The following RABGAP1L variants were observed in gnomAD, a reference collection of about 807,000 sequenced individuals.
RABGAP1L encodes RAB GTPase activating protein 1 like.
In RABGAP1L, 63 loss-of-function variants were observed where a neutral mutation model predicts 137.7. The observed-to-expected ratio is 0.46, with a 90% CI of 0.37 to 0.56. RABGAP1L has a LOEUF of 0.56. Ranked by LOEUF, RABGAP1L falls within the 20% of genes least tolerant of loss-of-function variation. The probability of loss-of-function intolerance (pLI) is 0.00; values close to 1 mark genes in which losing one functional copy is unlikely to be tolerated. For synonymous variants in RABGAP1L, 431 were observed against 433.7 expected (o/e 0.99, Z 0.08); for missense variants, 1,095 against 1,244.0 (o/e 0.88, Z 1.80).
chr1:174,871,869 T>C (rs1652259909), intron 19 of RABGAP1L, among the ~76,000 whole-genome samples: 2 of 152,234 alleles, frequency 1.3e-5, no homozygotes, highest in African/African-American at 4.8e-5. Context: ...ACTCTTCATT[T>C]TGAGTGATAA....
chr1:174,221,500 G>A (rs574508458), intron 3 of RABGAP1L, among the ~76,000 whole-genome samples: 1 of 152,208 alleles, frequency 6.6e-6, no homozygotes, highest in Non-Finnish European at 1.5e-5. Context: ...GTGCCTTTTT[G>A]CTCAGTTTCA....
intron 18 of RABGAP1L, among the ~76,000 whole-genome samples, chr1:174,757,377 C>G (rs888540700): frequency 3.3e-5 from 5 of 152,028 alleles, no homozygotes; most frequent in Non-Finnish European, 7.4e-5. Context: ...ATTGCTAGGT[C>G]AAACTGTAAC....
intron 14 of RABGAP1L, among the ~76,000 whole-genome samples, chr1:174,643,945 GTA>G (rs1200415348): frequency 1.2e-4 from 18 of 150,556 alleles, no homozygotes; most frequent in South Asian, 2.1e-4. Context: ...GTGTGTGTAT[GTA>G]TGTATGTATG....
chr1:174,946,502 T>A (rs1248565032), intron 19 of RABGAP1L, among the ~76,000 whole-genome samples: 1 of 152,094 alleles, frequency 6.6e-6, no homozygotes, highest in South Asian at 2.1e-4. Context: ...GGTCTGTCAT[T>A]ATTATAGGGC....
At chr1:174,634,904 G>C (rs1345321539) in intron 13 of RABGAP1L, among the ~76,000 whole-genome samples, 1 of 113,992 alleles carries the variant, frequency 8.8e-6, no homozygotes, top group African/African-American at 3.2e-5. Context: ...GAGGGGGGAG[G>C]GATAGCATTG....
chr1:174,203,730 G>A (rs1033961095), intron 1 of RABGAP1L, among the ~76,000 whole-genome samples: 6 of 152,058 alleles, frequency 3.9e-5, no homozygotes, highest in Non-Finnish European at 7.4e-5. Context: ...CATGAGCATG[G>A]GATGTTTTTC....
intron 14 of RABGAP1L, 52 bp downstream of exon 14, chr1:174,637,540 A>G (rs760685707): frequency 2.2e-6 from 3 of 1,346,322 alleles, no homozygotes; most frequent in African/African-American, 1.5e-5. Context: ...GCTATATTTT[A>G]GAAACCCATT....
chr1:174,931,503 G>A (rs759411968), intron 19 of RABGAP1L, among the ~76,000 whole-genome samples: 1 of 152,000 alleles, frequency 6.6e-6, no homozygotes, highest in African/African-American at 2.4e-5. Context: ...AGACTTGCAT[G>A]TTTTTTTAAA....
chr1:174,566,579 C>A (rs906080189), intron 13 of RABGAP1L, among the ~76,000 whole-genome samples: 2 of 152,118 alleles, frequency 1.3e-5, no homozygotes, highest in African/African-American at 4.8e-5. Flanking sequence ...TCTCTTTATG[C>A]CTTATATTCT....
At chr1:174,758,848 A>G (rs1684985568) in intron 18 of RABGAP1L, among the ~76,000 whole-genome samples, 1 of 152,152 alleles carries the variant, frequency 6.6e-6, no homozygotes, top group African/African-American at 2.4e-5. Flanking sequence ...CTTTTCATCT[A>G]GTAACCTCCA....
At chr1:174,620,345 C>T (rs919487201) in intron 13 of RABGAP1L, among the ~76,000 whole-genome samples, 6 of 152,224 alleles carry the variant, frequency 3.9e-5, no homozygotes, top group African/African-American at 1.2e-4. Context: ...TTTTCAGCAC[C>T]ACACCACACC....
At chr1:174,713,700 C>T (rs1270966694) in intron 17 of RABGAP1L, among the ~76,000 whole-genome samples, 1 of 152,194 alleles carries the variant, frequency 6.6e-6, no homozygotes, top group Non-Finnish European at 1.5e-5. Flanking sequence ...GAACTGTAAG[C>T]CAAAATAAAA....
intron 11 of RABGAP1L, among the ~76,000 whole-genome samples, chr1:174,336,246 T>A (rs1423416349): frequency 6.6e-6 from 1 of 152,160 alleles, no homozygotes; most frequent in Admixed American, 6.6e-5. Flanking sequence ...TGCTTCAGCC[T>A]CCTGAGTAGT....
At chr1:174,173,310 A>C (rs1571363727) in intron 1 of RABGAP1L, among the ~76,000 whole-genome samples, 1 of 151,628 alleles carries the variant, frequency 6.6e-6, no homozygotes, top group East Asian at 1.9e-4. Flanking sequence ...TTGTATTTTT[A>C]GTAGAGATGG....
rs75026472 is a variant in RABGAP1L, at chr1:174,948,532, A to G, written c.2341-8925A>G. ...CTCAAAAAAAAAAAAAAAAAAAAAA[A>G]GGAGTGTAACTGGATTCTTTGTAAC... On this transcript the variant is annotated intron_variant, in intron 19 of 25. Coordinates refer to ENST00000681986, the MANE Select transcript of RABGAP1L (RefSeq NM_001366446.1). Among the ~76,000 whole-genome samples, 6 of 146,088 alleles carry G rather than the reference A, an allele frequency of 4.1e-5. No homozygotes were observed. In the East Asian group the frequency reaches 1.3e-3, roughly 32 times the overall value.
intron 19 of RABGAP1L, chr1:174,849,614 A>C: frequency 2.7e-6 from 1 of 364,048 alleles, no homozygotes; most frequent in Non-Finnish European, 5.3e-6. Flanking sequence ...TAATATGTGA[A>C]AAATGAGAAA....
At chr1:174,666,110 A>G (rs1676766980) in intron 14 of RABGAP1L, among the ~76,000 whole-genome samples, 1 of 152,196 alleles carries the variant, frequency 6.6e-6, no homozygotes, top group Non-Finnish European at 1.5e-5. Context: ...TGTGTCTCCC[A>G]GCTTATGTGA....
chr1:174,548,392 C>G, intron 13 of RABGAP1L: 1 of 991,148 alleles, frequency 1.0e-6, no homozygotes, highest in Non-Finnish European at 1.2e-6. Context: ...ATATTTAAAA[C>G]TATAAGTGGA....
At chr1:174,416,442 G>A (rs73038676) in intron 13 of RABGAP1L, among the ~76,000 whole-genome samples, 2,719 of 152,018 alleles carry the variant, frequency 0.018, 84 homozygotes, top group African/African-American at 0.063. Context: ...ATTTGGTAGT[G>A]ATAAACTTTA....
Sources: gnomAD v4.1 joint callset for allele counts (sites outside exome capture counted in the v4.1 genomes callset) on GRCh38, gnomAD v4.1.1 for gene constraint, MANE v1.5 for transcripts, NCBI Gene and HGNC (gene_info 2026-07-23, HGNC 2026-07-21) for gene names.